Variants in SOX6 observed in about 807,000 individuals in gnomAD.
The protein encoded by SOX6 is transcription factor SOX-6.
A neutral mutation model predicts 97.8 loss-of-function variants in SOX6; 11 were observed. The ratio of observed to expected loss-of-function variants is 0.11; its 90% CI spans 0.07 to 0.19. The LOEUF is 0.19. Ranked by LOEUF, SOX6 falls within the 10% of genes least tolerant of loss-of-function variation. The pLI, the probability that SOX6 is intolerant of heterozygous loss-of-function variation, is 1.00. For synonymous variants in SOX6, 360 were observed against 371.4 expected (o/e 0.97, Z 0.35); for missense variants, 810 against 1,039.5 (o/e 0.78, Z 3.04).
chr11:16,360,373 C>A (rs34617734), upstream of SOX6, among the ~76,000 whole-genome samples: 13,998 of 152,228 alleles, frequency 0.092, 767 homozygotes, highest in Non-Finnish European at 0.13. Flanking sequence ...CAGCTAATAT[C>A]TTACTTCTTC....
chr11:16,388,280 G>A (rs76706080), intron 1 of SOX6, among the ~76,000 whole-genome samples: 5,275 of 152,064 alleles, frequency 0.035, 136 homozygotes, highest in Non-Finnish European at 0.056. Flanking sequence ...CTACTTGGTC[G>A]TGATATTTCA....
intron 4 of SOX6, among the ~76,000 whole-genome samples, chr11:16,528,355 C>T (rs371667499): frequency 5.0e-4 from 76 of 152,168 alleles, no homozygotes; most frequent in African/African-American, 1.4e-3. Context: ...TCAAGGAAGA[C>T]GTTATTCTCA....
Position 16,394,962 on chromosome 11 carries a change from T to C in SOX6, c.-4-53710A>G, listed in dbSNP as rs1858303362. 2.0e-5 allele frequency among the ~76,000 whole-genome samples: 3 copies of C among 151,864 alleles called. No individual in the cohort carries two copies. In the South Asian group the frequency reaches 6.2e-4, roughly 31 times the overall value. ...AGCTGTTAAATGTTTTATAGCTAGA[T>C]ATTAAGAAACAAAAACATTTCTACC... On this transcript the variant is annotated intron_variant, in intron 1 of 15. Transcript: ENST00000396356.
chr11:16,572,452 A>G (rs1373824977), intron 4 of SOX6, among the ~76,000 whole-genome samples: 1 of 152,226 alleles, frequency 6.6e-6, no homozygotes, highest in Non-Finnish European at 1.5e-5. Context: ...AAACCTATAC[A>G]GACAAAAATG....
At position 16,104,622 on chromosome 11, in the gene SOX6, G is replaced by T. The variant is rs533452450; in HGVS notation, c.899-6934C>A. Among the ~76,000 whole-genome samples the T allele has an allele frequency of 4.0e-5, 6 of 150,914 alleles. No homozygotes were observed. The South Asian group carries it at 1.3e-3, about 32-fold the overall frequency. On this transcript the variant is annotated intron_variant, in intron 7 of 15. Transcript: ENST00000683767. ...ACACACACACACACATACACAGGTTGGGGGTTATTAAATGAGATTACACAC... is the reference window on the plus strand; with the variant it reads ...ACACACACACACACATACACAGGTTTGGGGTTATTAAATGAGATTACACAC...
chr11:16,250,066 TCC>T (rs899297561), intron 3 of SOX6, among the ~76,000 whole-genome samples: 10 of 152,006 alleles, frequency 6.6e-5, no homozygotes, highest in African/African-American at 2.4e-4. Context: ...AAAGCAGGAG[TCC>T]CCAACCCCTG....
intron 3 of SOX6, among the ~76,000 whole-genome samples, chr11:16,673,704 C>A (rs1847863651): frequency 1.3e-5 from 2 of 151,952 alleles, no homozygotes; most frequent in South Asian, 4.2e-4. Context: ...TCAAACTATT[C>A]TAAAAAAAAC....
At chr11:16,506,144 G>A (rs1482903605) in intron 4 of SOX6, among the ~76,000 whole-genome samples, 2 of 152,162 alleles carry the variant, frequency 1.3e-5, no homozygotes, top group Non-Finnish European at 2.9e-5. Flanking sequence ...TGTGCACCTG[G>A]AAAAGCCACA....
intron 8 of SOX6, among the ~76,000 whole-genome samples, chr11:16,097,213 G>A (rs1848820229): frequency 6.6e-6 from 1 of 151,752 alleles, no homozygotes; most frequent in South Asian, 2.1e-4. Context: ...CTTATTCTAT[G>A]AGCTACAAGA....
At chr11:16,151,348 C>T (rs530935825) in intron 6 of SOX6, among the ~76,000 whole-genome samples, 7 of 152,184 alleles carry the variant, frequency 4.6e-5, no homozygotes, top group African/African-American at 7.2e-5. Context: ...TCAGCTTTTC[C>T]GATCGCTCTT....
At chr11:16,524,892 G>C (rs1443674507) in intron 4 of SOX6, among the ~76,000 whole-genome samples, 1 of 152,166 alleles carries the variant, frequency 6.6e-6, no homozygotes, top group Non-Finnish European at 1.5e-5. Flanking sequence ...TTGCTTCAAA[G>C]AGAATAAAAT....
chr11:16,394,818 G>A (rs573569265), intron 1 of SOX6, among the ~76,000 whole-genome samples: 2 of 151,702 alleles, frequency 1.3e-5, no homozygotes, highest in Non-Finnish European at 2.9e-5. Context: ...AGCCACTGGG[G>A]CTGCTCCATG....
intron 4 of SOX6, among the ~76,000 whole-genome samples, chr11:16,191,433 C>A (rs2134113537): frequency 6.6e-6 from 1 of 152,194 alleles, no homozygotes; most frequent in Admixed American, 6.5e-5. Context: ...TGCACTCCAG[C>A]CTGGGTGGAA....
intron 3 of SOX6, among the ~76,000 whole-genome samples, chr11:16,269,098 G>A (rs1854166454): frequency 6.7e-6 from 1 of 149,698 alleles, no homozygotes; most frequent in African/African-American, 2.4e-5. Flanking sequence ...ATAGTATTAA[G>A]TATAGATCTA....
intron 4 of SOX6, among the ~76,000 whole-genome samples, chr11:16,202,199 C>T (rs560728546): frequency 1.7e-4 from 26 of 152,056 alleles, no homozygotes; most frequent in African/African-American, 4.6e-4. Flanking sequence ...AACTCTTATA[C>T]GATGAAAATA....
rs145015596 is a variant in SOX6, at chr11:16,375,806, G to A, written c.-4-34554C>T. Among the ~76,000 whole-genome samples, 1,484 of 152,078 alleles carry A rather than the reference G, an allele frequency of 9.8e-3. 27 individuals carry two copies. The highest frequency in any genetic ancestry group is 0.034 in the African/African-American group (1,408 of 41,496). Reference sequence around the variant, plus strand: ...CCAAATGCCCATCAATGATAGTCTCGATAAAGAAAATGTGGCACATATACA... The same window carrying A: ...CCAAATGCCCATCAATGATAGTCTCAATAAAGAAAATGTGGCACATATACA... On this transcript the variant is annotated intron_variant, in intron 1 of 15. Coordinates refer to the SOX6 transcript ENST00000396356.
At chr11:16,599,861 T>C (rs1848249235) in intron 4 of SOX6, among the ~76,000 whole-genome samples, 1 of 152,102 alleles carries the variant, frequency 6.6e-6, no homozygotes, top group East Asian at 1.9e-4. Context: ...ATGAGTGATA[T>C]ATTAGGGGTC....
chr11:16,460,981 T>C (rs1859913913), intron 1 of SOX6, among the ~76,000 whole-genome samples: 1 of 152,130 alleles, frequency 6.6e-6, no homozygotes, highest in Non-Finnish European at 1.5e-5. Flanking sequence ...CAATTATATT[T>C]TCAAGGATAT....
chr11:16,525,504 C>T (rs1401386894), intron 4 of SOX6, among the ~76,000 whole-genome samples: 4 of 151,870 alleles, frequency 2.6e-5, no homozygotes, highest in Non-Finnish European at 4.4e-5. Flanking sequence ...AAGACTTAAA[C>T]GTTAGACATA....
Sources: allele counts gnomAD v4.1 joint callset (sites outside exome capture counted in the v4.1 genomes callset), GRCh38; gene constraint gnomAD v4.1.1; transcripts MANE v1.5; gene names NCBI Gene and HGNC (gene_info 2026-07-23, HGNC 2026-07-21).